LRRC74A: variants seen among roughly 807,000 people sequenced by gnomAD.
LRRC74A encodes the protein leucine-rich repeat-containing protein 74A.
A neutral mutation model predicts 57.9 loss-of-function variants in LRRC74A; 44 were observed. That is an observed-to-expected ratio of 0.76 (90% confidence interval 0.60 to 0.98). The LOEUF (loss-of-function observed/expected upper bound fraction) is 0.98. Ranked by LOEUF, LRRC74A falls within the 50% of genes least tolerant of loss-of-function variation. LRRC74A has a pLI of 0.00. For missense variants in LRRC74A, 572 were observed against 574.0 expected (o/e 1.00, Z 0.04); for synonymous variants, 211 against 219.4 (o/e 0.96, Z 0.34).
At chr14:76,836,161 A>G in intron 3 of LRRC74A, 46 bp from the exon 4 acceptor site, 1 of 1,440,326 alleles carries the variant, frequency 6.9e-7, no homozygotes. Context: ...TGACTGGGTC[A>G]CCAACCACTT....
intron 5 of LRRC74A, 87 bp downstream of exon 5, chr14:76,838,058 C>A: frequency 1.1e-6 from 1 of 869,800 alleles, no homozygotes; most frequent in Non-Finnish European, 1.8e-6. Context: ...TCTCATTGAA[C>A]CAGACCATGT....
At chr14:76,838,937 G>A (rs146989458) in intron 5 of LRRC74A, among the ~76,000 whole-genome samples, 1 of 152,268 alleles carries the variant, frequency 6.6e-6, no homozygotes, top group East Asian at 1.9e-4. Flanking sequence ...GTTTTTACAT[G>A]TCAGTTATTG....
chr14:76,826,507 A>G lies in LRRC74A; in HGVS notation c.-191A>G, dbSNP rs1566710252. ...TTGGGGTCAAATTCATGCACATCCA[A>G]TTCCCATCAAAGCCTACTCTTCCCA... On this transcript the variant is annotated 5_prime_UTR_variant, in exon 1 of 14. Coordinates refer to ENST00000689127, the MANE Select transcript of LRRC74A (RefSeq NM_001385106.1). The G allele has an allele frequency of 4.4e-6, 7 of 1,593,974 alleles. No individual in the cohort carries two copies. Among genetic ancestry groups the G allele is most frequent in the Non-Finnish European group, 4.3e-6 (5 of 1,169,490 alleles).
At chr14:76,858,872 A>G (rs1333532977) in intron 10 of LRRC74A, among the ~76,000 whole-genome samples, 1 of 152,202 alleles carries the variant, frequency 6.6e-6, no homozygotes, top group Non-Finnish European at 1.5e-5. Flanking sequence ...TAGAGGTGTG[A>G]GCCACTGCAC....
In LRRC74A at chr14:76,832,925, C is replaced by CT. The variant is rs532378176; in HGVS notation, c.339+1551dup. Among the ~76,000 whole-genome samples, 315 of 152,326 alleles carry CT rather than the reference C, an allele frequency of 2.1e-3. 1 individual carries two copies. Among genetic ancestry groups the CT allele is most frequent in the African/African-American group, 7.5e-3 (310 of 41,580 alleles). ...CTCTGAGGAAGGGGTCAGAGAGCAG[C>CT]TGACCTCATGACCAATGCTGTGTGT... On this transcript the variant is annotated intron_variant, in intron 3 of 13. Coordinates refer to ENST00000689127, the MANE Select transcript of LRRC74A (RefSeq NM_001385106.1).
rs982505014 is a variant in LRRC74A at position 76,857,369 on chromosome 14, T to C, written c.958-11T>C. ...TCTCAGCCTCCTCTTGTCTTGATTCTCCCTCTATAGCTTTTCCTGAATCCC... is the reference window on the plus strand; with the variant it reads ...TCTCAGCCTCCTCTTGTCTTGATTCCCCCTCTATAGCTTTTCCTGAATCCC... On this transcript the variant is annotated splice_polypyrimidine_tract_variant and intron_variant, in intron 9 of 13. Transcript: ENST00000689127. 2 of 1,551,610 alleles carry C rather than the reference T, an allele frequency of 1.3e-6. No homozygotes were observed. Among genetic ancestry groups the C allele is most frequent in the African/African-American group, 2.7e-5 (2 of 73,794 alleles).
In LRRC74A at chr14:76,870,137, G is replaced by T. The variant is rs148780367; in HGVS notation, c.1404G>T (p.Thr468=). Residue 468 remains threonine, a synonymous_variant, in exon 14 of 14, where the codon ACG becomes ACT. Transcript: ENST00000689127. ...TGMVNFSFLN[T]MKP Reference sequence around the variant, plus strand: ...CCTTTCGTACCAGTTTCTTGAACACGATGAAGCCATAGCAACAAGTCTGGT... The same window carrying T: ...CCTTTCGTACCAGTTTCTTGAACACTATGAAGCCATAGCAACAAGTCTGGT... The T allele has an allele frequency of 6.2e-7, 1 of 1,611,548 alleles. No individual in the cohort carries two copies. The highest frequency in any genetic ancestry group is 1.7e-5 in the Admixed American group (1 of 59,640).
chr14:76,836,180 C>G, intron 3 of LRRC74A, 27 bp from the exon 4 acceptor site: 1 of 1,556,854 alleles, frequency 6.4e-7, no homozygotes. Flanking sequence ...TTCTGTGTCT[C>G]TCTCCCTCCC....
chr14:76,843,853 C>T (rs531547830), intron 5 of LRRC74A, among the ~76,000 whole-genome samples: 52 of 150,912 alleles, frequency 3.4e-4, no homozygotes, highest in African/African-American at 1.1e-3. Flanking sequence ...CACAGGTGTG[C>T]GCCATCATGC....
chr14:76,847,335 A>G (rs1897173405), intron 7 of LRRC74A, among the ~76,000 whole-genome samples: 2 of 152,190 alleles, frequency 1.3e-5, no homozygotes, highest in African/African-American at 4.8e-5. Context: ...TTTGGTGCAT[A>G]TACACCACGG....
chr14:76,863,658 A>G (rs1898510023), intron 11 of LRRC74A, among the ~76,000 whole-genome samples: 1 of 152,174 alleles, frequency 6.6e-6, no homozygotes, highest in African/African-American at 2.4e-5. Flanking sequence ...TAGTAGTAGC[A>G]CCTACCAAAG....
rs779307129 is a variant in LRRC74A at position 76,845,414 on chromosome 14, G to A, written c.676+513G>A. 2.0e-5 allele frequency among the ~76,000 whole-genome samples: 3 copies of A among 152,106 alleles called. 1 individual carries two copies. Among genetic ancestry groups the A allele is most frequent in the Non-Finnish European group, 2.9e-5 (2 of 68,006 alleles). On this transcript the variant is annotated intron_variant, in intron 7 of 13. Coordinates refer to ENST00000689127, the MANE Select transcript of LRRC74A (RefSeq NM_001385106.1). ...GGCAGCAGCAAACACCTGGACATGG[G>A]AAGTAAAACTTTACGATGATTAGAA...
chr14:76,864,410 A>AGGGGGGGGGGAGGAGGGGGGGGGGGGG (rs1898584853), intron 11 of LRRC74A, among the ~76,000 whole-genome samples: 1 of 50,220 alleles, frequency 2.0e-5, no homozygotes, highest in Non-Finnish European at 3.5e-5. Flanking sequence ...AGTGAGAGGA[A>AGGGGGGGGGGAGGAGGGGGGGGGGGGG]GGGGGGGGGG....
At chr14:76,859,966 T>A (rs1258431198) in intron 10 of LRRC74A, among the ~76,000 whole-genome samples, 2 of 152,120 alleles carry the variant, frequency 1.3e-5, no homozygotes, top group Non-Finnish European at 2.9e-5. Context: ...GCTTGAGACA[T>A]CGAGCCTGTA....
At chr14:76,870,017 T>G (rs1396086212) in intron 13 of LRRC74A, 108 bp from the exon 14 acceptor site, 1 of 1,191,014 alleles carries the variant, frequency 8.4e-7, no homozygotes. Context: ...AGGCCAGAGA[T>G]GGGTTTACAA....
chr14:76,851,296 T>G (rs1458127951), intron 7 of LRRC74A, among the ~76,000 whole-genome samples: 1 of 152,246 alleles, frequency 6.6e-6, no homozygotes, highest in African/African-American at 2.4e-5. Context: ...CCCCTGAAGA[T>G]GTTTTCCAGC....
At chr14:76,849,409 G>A (rs1265593209) in intron 7 of LRRC74A, among the ~76,000 whole-genome samples, 2 of 151,524 alleles carry the variant, frequency 1.3e-5, no homozygotes, top group Non-Finnish European at 2.9e-5. Flanking sequence ...CACCCTCCTC[G>A]GCCTCCCAAA....
At position 76,870,290 on chromosome 14, in the gene LRRC74A, G is replaced by A. The variant is rs1899353277; in HGVS notation, c.*141G>A. 5 of 979,564 alleles carry A rather than the reference G, an allele frequency of 5.1e-6. No individual in the cohort carries two copies. Among genetic ancestry groups the A allele is most frequent in the African/African-American group, 1.6e-5 (1 of 61,742 alleles). 60.7% of individuals were successfully genotyped at this position (979,564 alleles called of 1,614,324 possible). ...GCTGGGCACAAGCAAATAAAGTCTG[G>A]CTTGGTTCTGGGTGTCTTGGGCTGC... On this transcript the variant is annotated 3_prime_UTR_variant, in exon 14 of 14. Coordinates refer to ENST00000689127, the MANE Select transcript of LRRC74A (RefSeq NM_001385106.1).
chr14:76,841,238 T>C (rs1896746430), intron 5 of LRRC74A, among the ~76,000 whole-genome samples: 1 of 152,088 alleles, frequency 6.6e-6, no homozygotes, highest in East Asian at 1.9e-4. Flanking sequence ...GACAGAGTTT[T>C]GCCATGTTGG....
Sources: gnomAD v4.1 joint callset for allele counts (sites outside exome capture counted in the v4.1 genomes callset) on GRCh38, gnomAD v4.1.1 for gene constraint, MANE v1.5 for transcripts, NCBI Gene and HGNC (gene_info 2026-07-23, HGNC 2026-07-21) for gene names.